Variants in GCNT1 observed in about 807,000 individuals in gnomAD.
GCNT1 encodes the protein glucosaminyl (N-acetyl) transferase 1, also known as beta-1,3-galactosyl-O-glycosyl-glycoprotein beta-1,6-N-acetylglucosaminyltransferase.
Under a neutral mutation model 26.2 loss-of-function variants are expected in GCNT1, and 16 were observed. The observed-to-expected ratio is 0.61, with a 90% CI of 0.41 to 0.93. The LOEUF (loss-of-function observed/expected upper bound fraction) is 0.93. GCNT1 is among the 40% of genes least tolerant of loss of function. GCNT1 has a pLI of 0.00. For missense variants in GCNT1, 477 were observed against 526.7 expected, an observed-to-expected ratio of 0.91 and a Z score of 0.92; for synonymous variants, 183 against 190.8, an observed-to-expected ratio of 0.96 and a Z score of 0.34.
chr9:76,469,724 G>A (rs1406769821), intron 2 of GCNT1, among the ~76,000 whole-genome samples: 1 of 152,150 alleles, frequency 6.6e-6, no homozygotes, highest in Non-Finnish European at 1.5e-5. Flanking sequence ...GCTCCCGATC[G>A]GGCTAAAGGC....
At chr9:76,440,104 T>TAAAAAAA (rs762535970), upstream of GCNT1, among the ~76,000 whole-genome samples, 2 of 124,352 alleles carry the variant, frequency 1.6e-5, no homozygotes, top group Non-Finnish European at 3.6e-5. Context: ...GTCGCAAAAA[T>TAAAAAAA]AAAAAAAAAA....
chr9:76,416,160 C>A (rs546898405), upstream of GCNT1, among the ~76,000 whole-genome samples: 1 of 152,064 alleles, frequency 6.6e-6, no homozygotes, highest in African/African-American at 2.4e-5. Flanking sequence ...CACTTACAGA[C>A]AAGCAGAGTG....
At chr9:76,483,615 A>G (rs1462781752) in intron 2 of GCNT1, among the ~76,000 whole-genome samples, 1 of 152,008 alleles carries the variant, frequency 6.6e-6, no homozygotes, top group East Asian at 1.9e-4. Flanking sequence ...TAGAGATGGT[A>G]TCTCACCATT....
At chr9:76,424,259 G>A (rs56403485) in intron 1 of GCNT1, among the ~76,000 whole-genome samples, 18,440 of 152,178 alleles carry the variant, frequency 0.12, 1,168 homozygotes, top group East Asian at 0.2. Context: ...TGGAATCAAG[G>A]CCTGGGTCCT....
the GCNT1 span, among the ~76,000 whole-genome samples, chr9:76,400,822 A>G: frequency 6.6e-6 from 1 of 152,164 alleles, no homozygotes; most frequent in East Asian, 1.9e-4. Context: ...GGAAAGAAAA[A>G]TGTCTAGCTA....
chr9:76,412,288 C>G, the GCNT1 span, among the ~76,000 whole-genome samples: 1 of 152,174 alleles, frequency 6.6e-6, no homozygotes, highest in Non-Finnish European at 1.5e-5. Flanking sequence ...TTATTTGAAA[C>G]AAAATGTTAT....
At chr9:76,449,634 C>T (rs1823632819) in intron 1 of GCNT1, among the ~76,000 whole-genome samples, 1 of 152,332 alleles carries the variant, frequency 6.6e-6, no homozygotes, top group African/African-American at 2.4e-5. Flanking sequence ...CGCAGCCTCT[C>T]CCCATTTCCC....
chr9:76,477,854 G>A (rs1824289518), intron 2 of GCNT1, among the ~76,000 whole-genome samples: 1 of 152,158 alleles, frequency 6.6e-6, no homozygotes, highest in Admixed American at 6.5e-5. Context: ...GACTACTCTA[G>A]GTACCTCTGT....
At chr9:76,450,836 A>G (rs563396583) in intron 1 of GCNT1, among the ~76,000 whole-genome samples, 1 of 152,282 alleles carries the variant, frequency 6.6e-6, no homozygotes, top group African/African-American at 2.4e-5. Flanking sequence ...TTTATGATAT[A>G]TTTTGTTATG....
chr9:76,457,324 C>T (rs1189513125), upstream of GCNT1, among the ~76,000 whole-genome samples: 1 of 152,256 alleles, frequency 6.6e-6, no homozygotes, highest in Non-Finnish European at 1.5e-5. Flanking sequence ...TCTCAGCTCA[C>T]TGCAACCTCC....
At chr9:76,464,045 T>G (rs927638100) in intron 2 of GCNT1, among the ~76,000 whole-genome samples, 27 of 151,240 alleles carry the variant, frequency 1.8e-4, no homozygotes, top group Admixed American at 3.9e-4. Flanking sequence ...TTTGTTTTTT[T>G]TTTTTTTTGT....
At chr9:76,501,405 G>C (rs1187272198) in intron 3 of GCNT1, among the ~76,000 whole-genome samples, 1 of 152,120 alleles carries the variant, frequency 6.6e-6, no homozygotes, top group African/African-American at 2.4e-5. Flanking sequence ...TATAGATGAA[G>C]GTCTGTCATA....
In GCNT1 at chr9:76,450,256, A is replaced by G. The variant is rs765040229; in HGVS notation, c.-290+7941A>G. Among the ~76,000 whole-genome samples, 5 of 152,178 alleles carry G rather than the reference A, an allele frequency of 3.3e-5. 1 individual carries two copies. Among genetic ancestry groups the G allele is most frequent in the Non-Finnish European group, 5.9e-5 (4 of 68,040 alleles). On this transcript the variant is annotated intron_variant, in intron 1 of 2. Transcript: ENST00000442371. ...CTGTGCTTTTTGACTTTTCCTTTGAAATGTTTATAACGTACATCTGATTCC... is the reference window on the plus strand; with the variant it reads ...CTGTGCTTTTTGACTTTTCCTTTGAGATGTTTATAACGTACATCTGATTCC...
chr9:76,432,369 G>T (rs962174138), intron 1 of GCNT1, among the ~76,000 whole-genome samples: 33 of 151,940 alleles, frequency 2.2e-4, no homozygotes, highest in Admixed American at 1.3e-4. Flanking sequence ...TCAAGACAGG[G>T]TTTCACTCTG....
At chr9:76,402,968 G>A in the GCNT1 span, among the ~76,000 whole-genome samples, 3,838 of 152,160 alleles carry the variant, frequency 0.025, 146 homozygotes, top group African/African-American at 0.087. Context: ...ATGAGCCACC[G>A]TGCCCAGCCC....
At chr9:76,394,533 G>A in the GCNT1 span, 29 of 153,532 alleles carry the variant, frequency 1.9e-4, no homozygotes, top group South Asian at 1.1e-3. Context: ...GAGCCCGCTC[G>A]GCTTCCGTAG....
intron 2 of GCNT1, among the ~76,000 whole-genome samples, chr9:76,475,968 A>G (rs1341100804): frequency 6.6e-6 from 1 of 152,208 alleles, no homozygotes; most frequent in African/African-American, 2.4e-5. Context: ...TTGATTTCAA[A>G]GAGGGGCAAT....
chr9:76,427,130 C>T (rs530461271), intron 1 of GCNT1, among the ~76,000 whole-genome samples: 4 of 151,592 alleles, frequency 2.6e-5, no homozygotes, highest in Non-Finnish European at 5.9e-5. Context: ...CATCTGAGGA[C>T]ACAGGGAGCA....
chr9:76,468,425 C>T (rs182767547), intron 2 of GCNT1, among the ~76,000 whole-genome samples: 1 of 152,292 alleles, frequency 6.6e-6, no homozygotes, highest in African/African-American at 2.4e-5. Flanking sequence ...GATAGGTGTA[C>T]TGAGATACTG....
Sources: gnomAD v4.1 joint callset for allele counts (sites outside exome capture counted in the v4.1 genomes callset) on GRCh38, gnomAD v4.1.1 for gene constraint, MANE v1.5 for transcripts, NCBI Gene and HGNC (gene_info 2026-07-23, HGNC 2026-07-21) for gene names.